The following LASP1 variants were observed in gnomAD, a reference collection of about 807,000 sequenced individuals.
LASP1 encodes LIM and SH3 protein 1.
LASP1 carries 10 observed loss-of-function variants against 38.6 expected under a neutral mutation model. The observed-to-expected ratio is 0.26, with a 90% CI of 0.16 to 0.44. The LOEUF (loss-of-function observed/expected upper bound fraction) is 0.44, where lower values mean the gene tolerates loss of function less well. Ranked by LOEUF, LASP1 falls within the 20% of genes least tolerant of loss-of-function variation. The probability of loss-of-function intolerance (pLI) is 1.00; values close to 1 mark genes in which losing one functional copy is unlikely to be tolerated. For synonymous variants in LASP1, 132 were observed against 140.8 expected (o/e 0.94, Z 0.44); for missense variants, 243 against 375.7 (o/e 0.65, Z 2.92).
intron 2 of LASP1, among the ~76,000 whole-genome samples, chr17:38,887,151 G>A (rs1914162934): frequency 1.3e-5 from 2 of 152,150 alleles, no homozygotes; most frequent in South Asian, 4.1e-4. Context: ...ATGCTAACCA[G>A]CCTCATCTTC....
At chr17:38,883,964 C>T (rs911767352) in intron 2 of LASP1, among the ~76,000 whole-genome samples, 15 of 151,696 alleles carry the variant, frequency 9.9e-5, no homozygotes, top group Non-Finnish European at 1.9e-4. Flanking sequence ...TGTGGGCAGC[C>T]TTCCCAGTAG....
chr17:38,907,413 C>T (rs1914803948), intron 4 of LASP1, among the ~76,000 whole-genome samples: 1 of 152,148 alleles, frequency 6.6e-6, no homozygotes. Flanking sequence ...TCACCCTGCT[C>T]CACACCTGTT....
intron 4 of LASP1, among the ~76,000 whole-genome samples, chr17:38,900,197 C>CAA (rs56008544): frequency 0.016 from 1,047 of 67,498 alleles, 50 homozygotes; most frequent in Middle Eastern, 0.053. Context: ...ACTGTTTCTA[C>CAA]AAAAAAAAAA....
chr17:38,897,810 C>T (rs1246899422), intron 3 of LASP1, among the ~76,000 whole-genome samples: 1 of 152,240 alleles, frequency 6.6e-6, no homozygotes, highest in African/African-American at 2.4e-5. Context: ...TGTCTCACCA[C>T]CCTCCTTTCT....
At chr17:38,900,197 CA>C (rs56008544) in intron 4 of LASP1, among the ~76,000 whole-genome samples, 4,884 of 67,650 alleles carry the variant, frequency 0.072, 127 homozygotes, top group African/African-American at 0.22. Context: ...ACTGTTTCTA[CA>C]AAAAAAAAAA....
At chr17:38,899,747 C>CTTTTTCTTTT (rs1914588361) in intron 4 of LASP1, among the ~76,000 whole-genome samples, 1 of 136,132 alleles carries the variant, frequency 7.3e-6, no homozygotes, top group African/African-American at 2.7e-5. Flanking sequence ...GCGTTCAGAT[C>CTTTTTCTTTT]TTTTTTTTTT....
chr17:38,905,603 C>T (rs1914757690), intron 4 of LASP1, among the ~76,000 whole-genome samples: 1 of 151,244 alleles, frequency 6.6e-6, no homozygotes, highest in African/African-American at 2.4e-5. Flanking sequence ...CAAGTGGCTG[C>T]ACTGATTTAC....
intron 2 of LASP1, among the ~76,000 whole-genome samples, chr17:38,880,790 TGGTTTC>T (rs1913925474): frequency 6.6e-6 from 1 of 152,194 alleles, no homozygotes; most frequent in Admixed American, 6.5e-5. Context: ...GTCTGAGCCT[TGGTTTC>T]CCCATGGTTA....
Position 38,870,217 on chromosome 17 carries a change from A to G in LASP1, c.28A>G (p.Lys10Glu). Residue 10 changes from lysine to glutamate, a missense_variant, in exon 1 of 7, where the codon AAG becomes GAG. Lys to Glu is a moderately conservative substitution (Grantham distance 56). This residue lies in a region of LASP1 where 43 missense variants were observed against 108.3 expected (regional missense o/e 0.40). Coordinates refer to ENST00000318008, the MANE Select transcript of LASP1 (RefSeq NM_006148.4). ...GAACCCCAACTGCGCCCGGTGCGGC[A>G]AGATCGTGTATCCCACGGAGAAGGT... MNPNCARCG[K>E]IVYPTEKVNC... is the part of the protein sequence containing the mutation. The G allele has an allele frequency of 6.2e-7, 1 of 1,613,828 alleles. No homozygotes were observed. The highest frequency in any genetic ancestry group is 8.5e-7 in the Non-Finnish European group (1 of 1,179,844).
At chr17:38,872,136 G>A (rs964207651) in intron 1 of LASP1, among the ~76,000 whole-genome samples, 1 of 152,188 alleles carries the variant, frequency 6.6e-6, no homozygotes, top group Non-Finnish European at 1.5e-5. Flanking sequence ...CCAGTTTTAT[G>A]AATGTCTCTA....
At chr17:38,907,684 G>T (rs1009461056) in intron 4 of LASP1, among the ~76,000 whole-genome samples, 51 of 152,260 alleles carry the variant, frequency 3.3e-4, no homozygotes, top group African/African-American at 1.2e-3. Flanking sequence ...CCCAGGAAGG[G>T]TGTCCTGGGT....
intron 4 of LASP1, among the ~76,000 whole-genome samples, chr17:38,905,796 G>A (rs1443390804): frequency 6.6e-6 from 1 of 151,944 alleles, no homozygotes; most frequent in Non-Finnish European, 1.5e-5. Flanking sequence ...GTGGGCTCAC[G>A]CCTGTATCCT....
chr17:38,907,567 C>T (rs868504831), intron 4 of LASP1, among the ~76,000 whole-genome samples: 16 of 152,094 alleles, frequency 1.1e-4, no homozygotes, highest in African/African-American at 3.4e-4. Context: ...TGAAAGTGTG[C>T]GTGTCCGGCC....
At position 38,918,589 on chromosome 17, in the gene LASP1, C is replaced by G. The variant is rs1460937760; in HGVS notation, c.613-16C>G. On this transcript the variant is annotated splice_polypyrimidine_tract_variant and intron_variant, in intron 6 of 6. Coordinates refer to ENST00000318008, the MANE Select transcript of LASP1 (RefSeq NM_006148.4). The surrounding 1 kb of genome is among the most constrained non-coding windows in gnomAD (Gnocchi z 4.4). ...CCGGCATGCAGGGCCCTAGGCTGAC[C>G]ACACTTCCCCCACAGAAGCGGTACC... 1.3e-6 allele frequency: 2 copies of G among 1,574,234 alleles called. No individual in the cohort carries two copies. The highest frequency in any genetic ancestry group is 1.7e-6 in the Non-Finnish European group (2 of 1,153,770).
rs576778709 is a variant in LASP1, at chr17:38,882,874, C to T, written c.164+4694C>T. Among the ~76,000 whole-genome samples the T allele has an allele frequency of 7.0e-4, 107 of 152,214 alleles. 3 individuals are homozygous for T. The South Asian group carries it at 0.021, about 30-fold the overall frequency. On this transcript the variant is annotated intron_variant, in intron 2 of 6. Coordinates refer to ENST00000318008, the MANE Select transcript of LASP1 (RefSeq NM_006148.4). ...ATTGGGGGACTTGGTTGCACCTTTCCCCTCTTCTCTGACTGCACATATTTG... is the reference window on the plus strand; with the variant it reads ...ATTGGGGGACTTGGTTGCACCTTTCTCCTCTTCTCTGACTGCACATATTTG...
intron 2 of LASP1, among the ~76,000 whole-genome samples, chr17:38,882,910 T>C (rs1913996674): frequency 4.6e-5 from 7 of 152,168 alleles, no homozygotes; most frequent in Admixed American, 4.6e-4. Context: ...GGGTTCATTC[T>C]CCAGTTTCCT....
At chr17:38,886,651 C>G (rs888464149) in intron 2 of LASP1, among the ~76,000 whole-genome samples, 3 of 152,016 alleles carry the variant, frequency 2.0e-5, no homozygotes, top group Non-Finnish European at 4.4e-5. Flanking sequence ...GAGGGGCTCC[C>G]GAGACCGTCT....
chr17:38,907,223 A>G (rs761056747), intron 4 of LASP1, among the ~76,000 whole-genome samples: 7 of 152,110 alleles, frequency 4.6e-5, no homozygotes, highest in Non-Finnish European at 7.4e-5. Context: ...GAAGGAGCTG[A>G]GCCTCACTTT....
At chr17:38,884,017 G>C (rs940441892) in intron 2 of LASP1, among the ~76,000 whole-genome samples, 4 of 151,528 alleles carry the variant, frequency 2.6e-5, no homozygotes, top group African/African-American at 9.7e-5. Context: ...CAGGATGTGG[G>C]GGCTGTTTTT....
Sources: allele counts gnomAD v4.1 joint callset (sites outside exome capture counted in the v4.1 genomes callset), GRCh38; gene constraint gnomAD v4.1.1; regional missense constraint gnomAD v4.1.1; non-coding constraint Gnocchi (gnomAD v3.1); transcripts MANE v1.5; gene names NCBI Gene and HGNC (gene_info 2026-07-23, HGNC 2026-07-21).